The following INTS7 variants were observed in gnomAD, a reference collection of about 807,000 sequenced individuals.
The protein encoded by INTS7 is integrator complex subunit 7.
INTS7 carries 46 observed loss-of-function variants against 109.2 expected under a neutral mutation model. That is an observed-to-expected ratio of 0.42 (90% CI 0.33 to 0.54). INTS7 has a LOEUF of 0.54. Among genes scored for constraint, INTS7 ranks in the 20% least tolerant of loss-of-function variants. INTS7 has a pLI of 0.07. For missense variants in INTS7, 929 were observed against 1,132.4 expected (o/e 0.82, Z 2.58); for synonymous variants, 412 against 402.9 (o/e 1.02, Z -0.27).
intron 1 of INTS7, among the ~76,000 whole-genome samples, chr1:212,032,577 C>T (rs953133613): frequency 1.3e-5 from 2 of 151,754 alleles, no homozygotes; most frequent in African/African-American, 2.4e-5. Context: ...CCCAGGTTCA[C>T]GCCATTCTCC....
intron 4 of INTS7, among the ~76,000 whole-genome samples, chr1:212,013,469 A>G (rs1214244702): frequency 6.6e-6 from 1 of 152,264 alleles, no homozygotes; most frequent in African/African-American, 2.4e-5. Flanking sequence ...TTAAAAAGTT[A>G]TAGCAAGGTA....
intron 10 of INTS7, among the ~76,000 whole-genome samples, chr1:211,980,875 T>C (rs1394963099): frequency 1.3e-5 from 2 of 152,240 alleles, no homozygotes; most frequent in African/African-American, 4.8e-5. Flanking sequence ...TGAACGCTTA[T>C]GTTAAATTAA....
At chr1:211,974,391 C>T (rs1291700007) in intron 13 of INTS7, among the ~76,000 whole-genome samples, 1 of 148,178 alleles carries the variant, frequency 6.7e-6, no homozygotes, top group African/African-American at 2.5e-5. Flanking sequence ...TGAAACATTT[C>T]TTTTGAGATA....
intron 7 of INTS7, among the ~76,000 whole-genome samples, chr1:212,001,021 A>C (rs1665643383): frequency 6.6e-6 from 1 of 151,348 alleles, no homozygotes; most frequent in Non-Finnish European, 1.5e-5. Context: ...CATACCCTTT[A>C]GCAATACCAT....
At chr1:212,029,815 T>G (rs1255313485) in intron 1 of INTS7, among the ~76,000 whole-genome samples, 4 of 152,120 alleles carry the variant, frequency 2.6e-5, no homozygotes, top group Non-Finnish European at 4.4e-5. Flanking sequence ...AAAAGGTGTG[T>G]GGGGGGACAT....
chr1:211,961,793 G>A (rs2808392), intron 16 of INTS7, among the ~76,000 whole-genome samples: 91,889 of 151,976 alleles, frequency 0.6, 28,279 homozygotes, highest in Non-Finnish European at 0.66. Flanking sequence ...TAAGCTTCAT[G>A]AGTGACAGAA....
intron 7 of INTS7, among the ~76,000 whole-genome samples, chr1:212,002,166 C>T (rs1192330856): frequency 6.6e-6 from 1 of 152,214 alleles, no homozygotes; most frequent in East Asian, 1.9e-4. Context: ...TCTTTCTCTA[C>T]ACTATACCAG....
chr1:212,017,669 C>T (rs1265913409), intron 3 of INTS7, among the ~76,000 whole-genome samples: 4 of 152,162 alleles, frequency 2.6e-5, no homozygotes, highest in African/African-American at 9.7e-5. Flanking sequence ...ATCCTTTCAG[C>T]AGAAAGGCAT....
At chr1:212,023,576 C>A (rs1666799131) in intron 1 of INTS7, among the ~76,000 whole-genome samples, 1 of 152,026 alleles carries the variant, frequency 6.6e-6, no homozygotes. Flanking sequence ...ATGTCCTTTG[C>A]CCACTTTTTA....
At position 211,942,561 on chromosome 1, in the gene INTS7, A is replaced by G. The variant is rs1346649045; in HGVS notation, c.2602-450T>C. Among the ~76,000 whole-genome samples the G allele has an allele frequency of 6.6e-6, 1 of 152,230 alleles. No homozygotes were observed. On this transcript the variant is annotated intron_variant, in intron 19 of 19. Coordinates refer to ENST00000366994, the MANE Select transcript of INTS7 (RefSeq NM_015434.4). The surrounding 1 kb of genome is among the most constrained non-coding windows in gnomAD (Gnocchi z 4.2). ...GAGAGTTTAAAACCTAAGAGACTGA[A>G]AAAGAACAAAACACTAAGCAAATTT...
chr1:212,016,691 A>G (rs989041684), intron 4 of INTS7, among the ~76,000 whole-genome samples, 195 bp downstream of exon 4: 5 of 152,196 alleles, frequency 3.3e-5, no homozygotes, highest in Non-Finnish European at 4.4e-5. Flanking sequence ...TAATGCCAAC[A>G]TTTGTACTTA....
chr1:211,979,859 A>G (rs1371659429), intron 10 of INTS7, among the ~76,000 whole-genome samples: 1 of 152,212 alleles, frequency 6.6e-6, no homozygotes, highest in African/African-American at 2.4e-5. Flanking sequence ...CCTTGGTTAA[A>G]GTTAATCACT....
intron 1 of INTS7, among the ~76,000 whole-genome samples, chr1:212,022,866 C>T (rs2102493847): frequency 6.6e-6 from 1 of 152,210 alleles, no homozygotes; most frequent in Non-Finnish European, 1.5e-5. Flanking sequence ...GCATAGTACC[C>T]AATAAGCAGT....
At chr1:212,013,765 A>G (rs183978476) in intron 4 of INTS7, among the ~76,000 whole-genome samples, 2 of 152,362 alleles carry the variant, frequency 1.3e-5, no homozygotes, top group African/African-American at 2.4e-5. Flanking sequence ...AACTGCCTAC[A>G]GTATTCAGTA....
intron 7 of INTS7, among the ~76,000 whole-genome samples, chr1:211,998,750 G>T (rs150503243): frequency 4.0e-5 from 6 of 150,776 alleles, no homozygotes; most frequent in Non-Finnish European, 7.4e-5. Context: ...TATTGAGAGG[G>T]AATATTTGTA....
At chr1:211,952,506 C>T in intron 17 of INTS7, 63 bp downstream of exon 17, 3 of 1,536,546 alleles carry the variant, frequency 2.0e-6, no homozygotes, top group Non-Finnish European at 2.7e-6. Flanking sequence ...ACAGTAAGTG[C>T]CATAAATGTA....
At chr1:212,022,899 T>C (rs561480570) in intron 1 of INTS7, among the ~76,000 whole-genome samples, 39 of 152,224 alleles carry the variant, frequency 2.6e-4, no homozygotes, top group African/African-American at 8.9e-4. Context: ...CCCCTCTCCC[T>C]CCCTTCCTCC....
Position 211,978,517 on chromosome 1 carries a change from C to T in INTS7, c.1231-6G>A, listed in dbSNP as rs376632821. On this transcript the variant is annotated splice_polypyrimidine_tract_variant and splice_region_variant and intron_variant, in intron 10 of 19. Transcript: ENST00000366994. ...ACCATACAGTTTAGAGCAATCTGCA[C>T]GCCAAAAAGAAAATGAACTAGTTAC... The T allele has an allele frequency of 4.8e-5, 78 of 1,613,294 alleles. No homozygotes were observed. The highest frequency in any genetic ancestry group is 1.6e-4 in the Middle Eastern group (1 of 6,076).
chr1:212,035,259 C>T, intron 1 of INTS7, 85 bp downstream of exon 1: 1 of 897,238 alleles, frequency 1.1e-6, no homozygotes, highest in Non-Finnish European at 1.9e-6. Context: ...ATGCGCCTAT[C>T]CGTCTTCTCC....
Sources: allele counts gnomAD v4.1 joint callset (sites outside exome capture counted in the v4.1 genomes callset), GRCh38; gene constraint gnomAD v4.1.1; non-coding constraint Gnocchi (gnomAD v3.1); transcripts MANE v1.5; gene names NCBI Gene and HGNC (gene_info 2026-07-23, HGNC 2026-07-21).